Variants in VEPH1 observed in about 807,000 individuals in gnomAD.
The protein encoded by VEPH1 is ventricular zone expressed PH domain containing 1.
A neutral mutation model predicts 85.2 loss-of-function variants in VEPH1; 80 were observed. The ratio of observed to expected loss-of-function variants is 0.94; its 90% CI spans 0.78 to 1.13. The LOEUF (loss-of-function observed/expected upper bound fraction) is 1.13, where lower values mean the gene tolerates loss of function less well. Ranked by LOEUF, VEPH1 falls within the 50% of genes most tolerant of loss-of-function variation. The probability of loss-of-function intolerance (pLI) is 0.00; values close to 1 mark genes in which losing one functional copy is unlikely to be tolerated. For missense variants in VEPH1, 955 were observed against 980.5 expected (o/e 0.97, Z 0.35); for synonymous variants, 297 against 348.0 (o/e 0.85, Z 1.63).
At chr3:157,493,945 G>GAT (rs1389121508) in intron 2 of VEPH1, among the ~76,000 whole-genome samples, 1 of 152,192 alleles carries the variant, frequency 6.6e-6, no homozygotes, top group Non-Finnish European at 1.5e-5. Context: ...GCAGAGGAGT[G>GAT]TGAAAGAAGG....
chr3:157,350,187 C>CAGAATAG (rs991987493), intron 9 of VEPH1, among the ~76,000 whole-genome samples: 1 of 152,122 alleles, frequency 6.6e-6, no homozygotes, highest in African/African-American at 2.4e-5. Flanking sequence ...ACCAATGGAA[C>CAGAATAG]AGAATAGAGA....
intron 3 of VEPH1, among the ~76,000 whole-genome samples, chr3:157,463,310 T>C (rs1033464111): frequency 6.6e-6 from 1 of 152,200 alleles, no homozygotes; most frequent in Non-Finnish European, 1.5e-5. Context: ...CCTAACCTGA[T>C]ATCCCACTAT....
intron 6 of VEPH1, chr3:157,409,618 T>C: frequency 1.0e-6 from 1 of 985,390 alleles, no homozygotes; most frequent in Non-Finnish European, 1.2e-6. Context: ...AACTCTTCTC[T>C]GCCGAATGTA....
chr3:157,381,106 C>T (rs1315914628), intron 7 of VEPH1, 50 bp downstream of exon 7: 1 of 1,588,398 alleles, frequency 6.3e-7, no homozygotes, highest in East Asian at 2.2e-5. Context: ...TGCATTCTAC[C>T]CCCACAGGTG....
chr3:157,442,684 G>A (rs1407120291), intron 4 of VEPH1: 1 of 1,614,080 alleles, frequency 6.2e-7, no homozygotes, highest in African/African-American at 1.3e-5. Flanking sequence ...ACATCCTTGT[G>A]GGTAAATGGT....
chr3:157,414,137 GA>G, intron 5 of VEPH1, 47 bp from the exon 6 acceptor site: 4 of 1,437,852 alleles, frequency 2.8e-6, no homozygotes, highest in Non-Finnish European at 3.8e-6. Flanking sequence ...GGAAGAAAGA[GA>G]AAAGTTAATT....
chr3:157,411,414 G>T (rs1241872094), intron 6 of VEPH1, among the ~76,000 whole-genome samples: 1 of 152,190 alleles, frequency 6.6e-6, no homozygotes, highest in Non-Finnish European at 1.5e-5. Flanking sequence ...AGGGCAGGAT[G>T]ATGGGTGATG....
At chr3:157,461,781 T>G (rs560226777) in intron 3 of VEPH1, among the ~76,000 whole-genome samples, 1 of 152,030 alleles carries the variant, frequency 6.6e-6, no homozygotes, top group Non-Finnish European at 1.5e-5. Context: ...CAATTTCAGA[T>G]AGATTGCAGA....
chr3:157,309,123 A>G (rs1046818048), intron 11 of VEPH1, among the ~76,000 whole-genome samples: 1 of 152,072 alleles, frequency 6.6e-6, no homozygotes, highest in Non-Finnish European at 1.5e-5. Context: ...GCCTAGTATG[A>G]GCCAGGCATG....
At chr3:157,372,523 G>GT (rs1462892685) in intron 7 of VEPH1, among the ~76,000 whole-genome samples, 1 of 152,154 alleles carries the variant, frequency 6.6e-6, no homozygotes, top group East Asian at 1.9e-4. Flanking sequence ...TAGAGTAGCT[G>GT]TATCTCAACC....
At chr3:157,435,653 G>A (rs1733513212) in intron 4 of VEPH1, among the ~76,000 whole-genome samples, 1 of 152,200 alleles carries the variant, frequency 6.6e-6, no homozygotes. Flanking sequence ...CTATGCCAGA[G>A]GGGCCCTAGC....
intron 12 of VEPH1, among the ~76,000 whole-genome samples, chr3:157,275,446 T>C (rs1014622891): frequency 6.6e-6 from 1 of 151,944 alleles, no homozygotes; most frequent in African/African-American, 2.4e-5. Context: ...TGTGGTGGCA[T>C]GCGCCTGTAG....
At chr3:157,473,067 C>CTTTTTTT (rs200991031) in intron 2 of VEPH1, among the ~76,000 whole-genome samples, 45 of 82,692 alleles carry the variant, frequency 5.4e-4, no homozygotes, top group African/African-American at 1.1e-3. Context: ...TTAAATGAAC[C>CTTTTTTT]TTTTTTTTTT....
intron 1 of VEPH1, 23 bp from the exon 2 acceptor site, chr3:157,495,529 A>T: frequency 7.1e-7 from 1 of 1,406,858 alleles, no homozygotes; most frequent in Non-Finnish European, 9.3e-7. Context: ...CAAATGACAC[A>T]ATGTAGCCAC....
At chr3:157,430,682 C>G (rs80273801) in intron 4 of VEPH1, among the ~76,000 whole-genome samples, 2,189 of 152,246 alleles carry the variant, frequency 0.014, 52 homozygotes, top group African/African-American at 0.05. Context: ...CTAACAAGCT[C>G]TCAGGTGACA....
chr3:157,437,722 A>G, intron 4 of VEPH1: 2 of 1,527,000 alleles, frequency 1.3e-6, no homozygotes, highest in East Asian at 5.0e-5. Context: ...GGCCAGGCTG[A>G]CCAGTGCTCT....
chr3:157,390,383 C>T (rs987297422), intron 6 of VEPH1, among the ~76,000 whole-genome samples: 1 of 152,104 alleles, frequency 6.6e-6, no homozygotes, highest in Non-Finnish European at 1.5e-5. Flanking sequence ...TCTACTAATC[C>T]TTTTTCAAAT....
intron 12 of VEPH1, among the ~76,000 whole-genome samples, 186 bp from the exon 13 acceptor site, chr3:157,265,848 A>G (rs1713569061): frequency 6.6e-6 from 1 of 152,040 alleles, no homozygotes. Context: ...CAGATATGAC[A>G]ATGGAAAACT....
chr3:157,428,364 T>A lies in VEPH1; in HGVS notation c.654A>T (p.Leu218=). ...TTGCTGCTACATGCAAAAGCCGTAG[T>A]AGATGGTACTGTTCTGGCTGTTCCA... The part of the protein sequence containing the change: ...SQLEQPEQYH[L]LRLLHVAAKK... Residue 218 remains leucine (L), a synonymous_variant, in exon 5 of 14, where the codon CTA becomes CTT. Coordinates refer to ENST00000362010, the MANE Select transcript of VEPH1 (RefSeq NM_001167912.2). 1 of 1,614,142 alleles carries A rather than the reference T, an allele frequency of 6.2e-7. No homozygotes were observed. The highest frequency in any genetic ancestry group is 8.5e-7 in the Non-Finnish European group (1 of 1,179,994).
Sources: allele counts gnomAD v4.1 joint callset (sites outside exome capture counted in the v4.1 genomes callset), GRCh38; gene constraint gnomAD v4.1.1; transcripts MANE v1.5; gene names NCBI Gene and HGNC (gene_info 2026-07-23, HGNC 2026-07-21).